Variants in KCNB2 observed in about 807,000 individuals in gnomAD.
KCNB2 encodes potassium voltage-gated channel subfamily B member 2, also known as delayed rectifier potassium channel protein.
A neutral mutation model predicts 61.5 loss-of-function variants in KCNB2; 15 were observed. That is an observed-to-expected ratio of 0.24 (90% CI 0.16 to 0.38). The LOEUF is 0.38. Among genes scored for constraint, KCNB2 ranks in the 10% least tolerant of loss-of-function variants. The pLI is 1.00. For missense variants in KCNB2, 828 were observed against 1,125.2 expected (o/e 0.74, Z 3.78); for synonymous variants, 457 against 446.0 (o/e 1.02, Z -0.31).
chr8:72,675,623 G>A (rs769290588), intron 2 of KCNB2, among the ~76,000 whole-genome samples: 9 of 151,424 alleles, frequency 5.9e-5, no homozygotes, highest in African/African-American at 1.7e-4. Flanking sequence ...GCGTGATCTC[G>A]GCTCACTGCA....
chr8:72,925,207 G>A (rs12678022), intron 2 of KCNB2, among the ~76,000 whole-genome samples: 12,803 of 152,224 alleles, frequency 0.084, 2,480 homozygotes, highest in East Asian at 0.78. Context: ...TCTGTTAATG[G>A]TGATAGATGA....
At chr8:72,611,791 A>C (rs1006833263) in intron 2 of KCNB2, among the ~76,000 whole-genome samples, 1 of 152,178 alleles carries the variant, frequency 6.6e-6, no homozygotes, top group Non-Finnish European at 1.5e-5. Flanking sequence ...GGCTCACTCC[A>C]GTTTGGCTTA....
At chr8:72,554,332 T>C (rs758268012) in intron 1 of KCNB2, among the ~76,000 whole-genome samples, 10 of 152,108 alleles carry the variant, frequency 6.6e-5, no homozygotes, top group African/African-American at 9.7e-5. Context: ...TGGATCTAAA[T>C]CCGTATTTCT....
chr8:72,589,551 T>C (rs191219270), intron 2 of KCNB2, among the ~76,000 whole-genome samples: 1 of 152,160 alleles, frequency 6.6e-6, no homozygotes, highest in Non-Finnish European at 1.5e-5. Context: ...ATACTCTACT[T>C]CCTGCCATGC....
intron 2 of KCNB2, among the ~76,000 whole-genome samples, chr8:72,819,296 C>T (rs1449929294): frequency 6.6e-6 from 1 of 152,050 alleles, no homozygotes; most frequent in South Asian, 2.1e-4. Flanking sequence ...AGAGCTAATG[C>T]CCATTTCTGC....
At chr8:72,676,506 T>C (rs1806655951) in intron 2 of KCNB2, among the ~76,000 whole-genome samples, 1 of 150,718 alleles carries the variant, frequency 6.6e-6, no homozygotes, top group Admixed American at 6.7e-5. Flanking sequence ...AATCCACCAT[T>C]CTAGGTGGTA....
chr8:72,581,995 A>G (rs753327599), intron 2 of KCNB2, among the ~76,000 whole-genome samples: 5 of 152,144 alleles, frequency 3.3e-5, no homozygotes, highest in Non-Finnish European at 5.9e-5. Context: ...TAGATCATTT[A>G]TTTAGGTTCA....
At chr8:72,610,259 A>G (rs1333213131) in intron 2 of KCNB2, among the ~76,000 whole-genome samples, 2 of 152,212 alleles carry the variant, frequency 1.3e-5, no homozygotes, top group Non-Finnish European at 2.9e-5. Context: ...TGAAGGGTTT[A>G]GCATTCGAGT....
intron 2 of KCNB2, among the ~76,000 whole-genome samples, chr8:72,630,124 A>G (rs966578112): frequency 6.6e-6 from 1 of 152,144 alleles, no homozygotes; most frequent in Non-Finnish European, 1.5e-5. Context: ...TCTCTTTCCT[A>G]CTTAACATTC....
At chr8:72,908,811 A>G (rs921378951) in intron 2 of KCNB2, among the ~76,000 whole-genome samples, 1 of 152,176 alleles carries the variant, frequency 6.6e-6, no homozygotes, top group Non-Finnish European at 1.5e-5. Context: ...TTAAAAGATT[A>G]TCTCCTTCCC....
At chr8:72,630,923 C>A (rs1805868232) in intron 2 of KCNB2, among the ~76,000 whole-genome samples, 1 of 152,056 alleles carries the variant, frequency 6.6e-6, no homozygotes. Flanking sequence ...CAATAGGCGC[C>A]CCTTATCTAC....
At chr8:72,915,009 A>G (rs1012902112) in intron 2 of KCNB2, among the ~76,000 whole-genome samples, 9 of 151,050 alleles carry the variant, frequency 6.0e-5, no homozygotes, top group African/African-American at 2.2e-4. Flanking sequence ...TGTTGAAGTG[A>G]TTCTCCTGCC....
Position 72,785,034 on chromosome 8 carries a change from A to T in KCNB2, c.580-150901A>T, listed in dbSNP as rs763383205. Among the ~76,000 whole-genome samples, 150 of 152,166 alleles carry T rather than the reference A, an allele frequency of 9.9e-4. 1 individual carries two copies. The highest frequency in any genetic ancestry group is 3.2e-3 in the Middle Eastern group (1 of 316). ...AATTATTTAGACTTTCAGATTTTTT[A>T]AAAATAACACCTTTATAATCTAATG... On this transcript the variant is annotated intron_variant, in intron 2 of 2. Transcript: ENST00000523207.
chr8:72,594,674 A>AT (rs1331136746), intron 2 of KCNB2, among the ~76,000 whole-genome samples: 19 of 152,322 alleles, frequency 1.2e-4, no homozygotes, highest in African/African-American at 4.3e-4. Context: ...ATACCTGAGA[A>AT]TCATTGACTC....
intron 2 of KCNB2, among the ~76,000 whole-genome samples, chr8:72,738,552 C>T (rs540971383): frequency 6.6e-6 from 1 of 152,308 alleles, no homozygotes; most frequent in Admixed American, 6.5e-5. Flanking sequence ...GAGCCAGCCC[C>T]GGCTATGTGT....
intron 2 of KCNB2, among the ~76,000 whole-genome samples, chr8:72,811,524 T>C (rs1210300254): frequency 6.6e-6 from 1 of 152,254 alleles, no homozygotes; most frequent in Non-Finnish European, 1.5e-5. Context: ...TTATGTCTTC[T>C]AACATGTATT....
intron 2 of KCNB2, among the ~76,000 whole-genome samples, chr8:72,744,388 G>A (rs964091027): frequency 6.6e-6 from 1 of 152,164 alleles, no homozygotes; most frequent in Non-Finnish European, 1.5e-5. Flanking sequence ...AGTAATAACT[G>A]CCAGTTACTA....
chr8:72,613,658 T>C (rs959932530), intron 2 of KCNB2, among the ~76,000 whole-genome samples: 1 of 152,194 alleles, frequency 6.6e-6, no homozygotes, highest in African/African-American at 2.4e-5. Context: ...TCCACATTGG[T>C]CTTTCCTAGC....
chr8:72,538,603 T>A (rs1386095141), intron 1 of KCNB2, among the ~76,000 whole-genome samples: 1 of 152,218 alleles, frequency 6.6e-6, no homozygotes, highest in Non-Finnish European at 1.5e-5. Context: ...ACTGCACATG[T>A]GTTTCAACAA....
Sources: allele counts gnomAD v4.1 joint callset (sites outside exome capture counted in the v4.1 genomes callset), GRCh38; gene constraint gnomAD v4.1.1; transcripts MANE v1.5; gene names NCBI Gene and HGNC (gene_info 2026-07-23, HGNC 2026-07-21).